The following SCFD2 variants were observed in gnomAD, a reference collection of about 807,000 sequenced individuals.
SCFD2 encodes the protein sec1 family domain-containing protein 2.
A neutral mutation model predicts 58.9 loss-of-function variants in SCFD2; 54 were observed. The ratio of observed to expected loss-of-function variants is 0.92; its 90% CI spans 0.74 to 1.15. The LOEUF (loss-of-function observed/expected upper bound fraction) is 1.15. Ranked by LOEUF, SCFD2 falls within the 50% of genes most tolerant of loss-of-function variation. SCFD2 has a pLI of 0.00. For missense variants in SCFD2, 805 were observed against 836.6 expected (o/e 0.96, Z 0.47); for synonymous variants, 321 against 335.9 (o/e 0.96, Z 0.49).
chr4:53,170,291 C>T (rs186264439), intron 4 of SCFD2, among the ~76,000 whole-genome samples: 66 of 152,278 alleles, frequency 4.3e-4, no homozygotes, highest in African/African-American at 1.5e-3. Context: ...AAGACACCAT[C>T]CTTTTTCCCA....
At chr4:53,271,171 G>A (rs1007927897) in intron 4 of SCFD2, among the ~76,000 whole-genome samples, 2 of 151,996 alleles carry the variant, frequency 1.3e-5, no homozygotes, top group African/African-American at 2.4e-5. Flanking sequence ...TCCTGAAGAG[G>A]ACACAGCCTT....
At chr4:53,179,794 G>T (rs758888354) in intron 4 of SCFD2, among the ~76,000 whole-genome samples, 7 of 152,182 alleles carry the variant, frequency 4.6e-5, no homozygotes, top group Non-Finnish European at 8.8e-5. Flanking sequence ...CAAAATAAAG[G>T]AGTGGAGGAA....
At chr4:53,206,076 T>A (rs775549059) in intron 4 of SCFD2, among the ~76,000 whole-genome samples, 2 of 152,168 alleles carry the variant, frequency 1.3e-5, no homozygotes, top group African/African-American at 4.8e-5. Flanking sequence ...ACTTGGTATA[T>A]TAGCTGTGAG....
intron 5 of SCFD2, among the ~76,000 whole-genome samples, chr4:53,140,068 C>A (rs547406559): frequency 1.5e-4 from 22 of 151,586 alleles, no homozygotes; most frequent in South Asian, 1.1e-3. Flanking sequence ...ACAAACACTG[C>A]GGAAGGCGGC....
chr4:53,163,470 T>A (rs1726915097), intron 4 of SCFD2, among the ~76,000 whole-genome samples: 1 of 152,082 alleles, frequency 6.6e-6, no homozygotes, highest in African/African-American at 2.4e-5. Context: ...ACACCTATAA[T>A]CCCAGCACTT....
At chr4:52,976,547 C>T (rs2101201) in intron 5 of SCFD2, among the ~76,000 whole-genome samples, 52,527 of 151,998 alleles carry the variant, frequency 0.35, 10,249 homozygotes, top group Middle Eastern at 0.48. Context: ...AGCAGCAGCC[C>T]AAACTAGAAA....
chr4:53,179,822 GA>G (rs1727480707), intron 4 of SCFD2, among the ~76,000 whole-genome samples: 1 of 151,628 alleles, frequency 6.6e-6, no homozygotes, highest in South Asian at 2.1e-4. Flanking sequence ...CAAGCAAATG[GA>G]AAACAAAAAA....
chr4:52,904,112 C>T (rs1719288943), intron 7 of SCFD2, among the ~76,000 whole-genome samples: 1 of 152,210 alleles, frequency 6.6e-6, no homozygotes. Context: ...TCTCAATCTG[C>T]CCTCATCCCC....
In SCFD2 at chr4:53,365,938, T is replaced by C. The variant is rs777231117; in HGVS notation, c.4A>G (p.Ser2Gly). 8.5e-6 allele frequency: 13 copies of C among 1,528,002 alleles called. No individual in the cohort carries two copies. In the South Asian group the frequency reaches 1.6e-4, roughly 19 times the overall value. The allele number at this position is 1,528,002 out of a possible 1,614,324, so 94.7% of individuals were successfully genotyped here. A position where few individuals can be genotyped will look rare whatever the true frequency, so the allele number is the denominator to read the frequency against. The change falls in exon 1 of 9, where the codon AGC becomes GGC. Residue 2 changes from serine to glycine, a missense_variant. Coordinates refer to ENST00000401642, the MANE Select transcript of SCFD2 (RefSeq NM_152540.4). The surrounding 1 kb of genome is among the most constrained non-coding windows in gnomAD (Gnocchi z 4.3). M[S>G]ASGVLSFTQQ... ...GTAAAGGACAGTACGCCCGAGGCGC[T>C]CATGGTTGGGGATTCGCAGACTTGG...
chr4:53,131,725 G>A (rs533519446), intron 5 of SCFD2, among the ~76,000 whole-genome samples: 3 of 152,202 alleles, frequency 2.0e-5, no homozygotes, highest in South Asian at 2.1e-4. Flanking sequence ...GTGAAAATTC[G>A]GCCTCCTCCC....
intron 5 of SCFD2, among the ~76,000 whole-genome samples, chr4:53,012,374 TCTCA>T (rs916238892): frequency 3.4e-5 from 5 of 148,450 alleles, no homozygotes; most frequent in African/African-American, 7.7e-5. Context: ...TCTCTCTCTC[TCTCA>T]CACACACACA....
intron 4 of SCFD2, among the ~76,000 whole-genome samples, chr4:53,223,899 A>ATATATTC (rs1729121089): frequency 6.6e-6 from 1 of 152,226 alleles, no homozygotes; most frequent in South Asian, 2.1e-4. Context: ...TCTGCATTAT[A>ATATATTC]GATACTACGA....
rs762421114 is a variant in SCFD2 at position 53,355,330 on chromosome 4, C to A, written c.839-2564G>T. On this transcript the variant is annotated intron_variant, in intron 1 of 8. Coordinates refer to ENST00000401642, the MANE Select transcript of SCFD2 (RefSeq NM_152540.4). ...CAGGGGGAACCTTTCACTTACTCTA[C>A]TTCATTTTTTTCTCTAGCTATTCTA... Among the ~76,000 whole-genome samples the A allele has an allele frequency of 5.1e-4, 78 of 152,152 alleles. 1 individual carries two copies. Among genetic ancestry groups the A allele is most frequent in the Non-Finnish European group, 8.8e-5 (6 of 68,010 alleles).
intron 5 of SCFD2, among the ~76,000 whole-genome samples, chr4:53,063,182 G>A (rs1426047927): frequency 6.6e-6 from 1 of 151,958 alleles, no homozygotes; most frequent in Non-Finnish European, 1.5e-5. Flanking sequence ...CTTCACAATT[G>A]GAAACAGTAT....
intron 3 of SCFD2, among the ~76,000 whole-genome samples, chr4:53,289,584 C>G (rs1238031507): frequency 2.0e-5 from 3 of 151,806 alleles, no homozygotes; most frequent in Admixed American, 6.6e-5. Context: ...TAAAAACAAC[C>G]AGAAAACAAT....
intron 4 of SCFD2, among the ~76,000 whole-genome samples, chr4:53,150,396 C>A (rs1439221065): frequency 6.6e-6 from 1 of 152,130 alleles, no homozygotes; most frequent in Non-Finnish European, 1.5e-5. Context: ...GAACCCTGTG[C>A]CACTTTGGCT....
chr4:52,926,918 T>G (rs1719876925), intron 5 of SCFD2, among the ~76,000 whole-genome samples: 1 of 152,232 alleles, frequency 6.6e-6, no homozygotes, highest in Non-Finnish European at 1.5e-5. Context: ...TGGAGTCTTT[T>G]CTCATGGCTT....
intron 5 of SCFD2, among the ~76,000 whole-genome samples, chr4:53,092,315 T>C (rs541603521): frequency 1.6e-4 from 25 of 152,254 alleles, no homozygotes; most frequent in African/African-American, 6.0e-4. Context: ...ATTTTAGGTC[T>C]AAGGAAATAA....
At chr4:52,947,967 C>CAAAAAAAAAAAAAAAAA (rs1720481027) in intron 5 of SCFD2, among the ~76,000 whole-genome samples, 1 of 74,870 alleles carries the variant, frequency 1.3e-5, no homozygotes, top group African/African-American at 6.8e-5. Flanking sequence ...GAAAAATAGG[C>CAAAAAAAAAAAAAAAAA]CAAAAAAAAA....
Sources: allele counts gnomAD v4.1 joint callset (sites outside exome capture counted in the v4.1 genomes callset), GRCh38; gene constraint gnomAD v4.1.1; non-coding constraint Gnocchi (gnomAD v3.1); transcripts MANE v1.5; gene names NCBI Gene and HGNC (gene_info 2026-07-23, HGNC 2026-07-21).